COP1: variants seen among roughly 807,000 people sequenced by gnomAD.
The protein encoded by COP1 is E3 ubiquitin-protein ligase COP1.
Under a neutral mutation model 101.3 loss-of-function variants are expected in COP1, and 24 were observed. That is an observed-to-expected ratio of 0.24 (90% CI 0.17 to 0.33). The LOEUF (loss-of-function observed/expected upper bound fraction) is 0.33, where lower values mean the gene tolerates loss of function less well. Among genes scored for constraint, COP1 ranks in the 10% least tolerant of loss-of-function variants. The pLI is 1.00. For synonymous variants in COP1, 347 were observed against 341.9 expected, an observed-to-expected ratio of 1.01 and a Z score of -0.17; for missense variants, 663 against 906.2, an observed-to-expected ratio of 0.73 and a Z score of 3.45.
In COP1 at chr1:176,165,883, G is replaced by A. The variant is rs569271880; in HGVS notation, c.566-1992C>T. 1.7e-4 allele frequency among the ~76,000 whole-genome samples: 26 copies of A among 152,194 alleles called. No homozygotes were observed. The South Asian group carries it at 2.7e-3, about 16-fold the overall frequency. ...GATTATAATCCAGATAAAGGAGAGA[G>A]CATGAAATAATTCAGTGGGAATAAA... is the stretch of plus-strand genomic sequence containing the variant. On this transcript the variant is annotated intron_variant, in intron 3 of 19. Transcript: ENST00000367669.
At chr1:176,168,797 G>T in intron 3 of COP1, 1 of 214,608 alleles carries the variant, frequency 4.7e-6, no homozygotes. Context: ...AAAATGCTGT[G>T]GAAGGTAGAG....
chr1:176,072,204 G>A (rs1435388611), intron 11 of COP1, among the ~76,000 whole-genome samples: 1 of 152,088 alleles, frequency 6.6e-6, no homozygotes, highest in Non-Finnish European at 1.5e-5. Flanking sequence ...ATAGCCTAAG[G>A]ATTATTTCTT....
intron 15 of COP1, among the ~76,000 whole-genome samples, chr1:175,999,703 T>C (rs941258496): frequency 6.6e-6 from 1 of 152,044 alleles, no homozygotes. Flanking sequence ...TTCATAGTGG[T>C]TGTACCAATT....
intron 19 of COP1, 117 bp downstream of exon 19, chr1:175,947,078 C>T (rs1649271031): frequency 2.7e-6 from 2 of 745,810 alleles, no homozygotes; most frequent in East Asian, 2.5e-5. Flanking sequence ...TGTAAGGAGA[C>T]ACAGACCCAT....
chr1:176,022,835 A>G (rs763407761), intron 15 of COP1, among the ~76,000 whole-genome samples: 2 of 152,240 alleles, frequency 1.3e-5, no homozygotes, highest in Non-Finnish European at 1.5e-5. Context: ...TACAAGGTTA[A>G]AACTACATTG....
chr1:176,030,957 G>T (rs1668555697), intron 14 of COP1, among the ~76,000 whole-genome samples: 1 of 152,046 alleles, frequency 6.6e-6, no homozygotes, highest in Admixed American at 6.6e-5. Flanking sequence ...AGAGACAAAG[G>T]CACAGTGAGA....
At chr1:176,175,481 G>A (rs1004199758) in intron 3 of COP1, among the ~76,000 whole-genome samples, 8 of 152,094 alleles carry the variant, frequency 5.3e-5, no homozygotes, top group South Asian at 2.1e-4. Flanking sequence ...CATAAGGAGC[G>A]TGCAACTTAG....
At chr1:176,158,127 A>T (rs753018427) in intron 5 of COP1, among the ~76,000 whole-genome samples, 3 of 152,200 alleles carry the variant, frequency 2.0e-5, no homozygotes, top group Non-Finnish European at 2.9e-5. Flanking sequence ...AAGGCACATC[A>T]TAATCAAAAC....
intron 9 of COP1, among the ~76,000 whole-genome samples, chr1:176,089,027 G>A (rs539374959): frequency 5.1e-4 from 77 of 151,802 alleles, no homozygotes; most frequent in Middle Eastern, 3.4e-3. Flanking sequence ...TTTAGGCCGG[G>A]CGTGGTGGCT....
rs1251977624 is a variant in COP1 at position 176,135,098 on chromosome 1, A to G, written c.892-12T>C. The stretch of plus-strand genomic sequence containing the variant: ...AAGCCACTCATTTCCTGAAAATAAA[A>G]TTATTTGAATTATAGTAGATATTTC... On this transcript the variant is annotated splice_polypyrimidine_tract_variant and intron_variant, in intron 7 of 19. Transcript: ENST00000367669. 6.6e-7 allele frequency: 1 copy of G among 1,516,840 alleles called. No homozygotes were observed. Among genetic ancestry groups the G allele is most frequent in the South Asian group, 1.1e-5 (1 of 88,198 alleles). 94.0% of individuals were successfully genotyped at this position (1,516,840 alleles called of 1,614,324 possible).
At chr1:176,001,481 C>T (rs1005394034) in intron 15 of COP1, among the ~76,000 whole-genome samples, 1 of 151,994 alleles carries the variant, frequency 6.6e-6, no homozygotes, top group African/African-American at 2.4e-5. Flanking sequence ...CTTTTGTTTC[C>T]AAAGTTGATA....
intron 9 of COP1, among the ~76,000 whole-genome samples, chr1:176,091,639 G>A (rs1681337419): frequency 6.6e-6 from 1 of 152,068 alleles, no homozygotes; most frequent in African/African-American, 2.4e-5. Flanking sequence ...ACTCTGCTTA[G>A]ATGATAAGTG....
intron 15 of COP1, among the ~76,000 whole-genome samples, chr1:176,015,000 CAG>C (rs1421356828): frequency 3.9e-5 from 6 of 152,002 alleles, no homozygotes; most frequent in African/African-American, 1.5e-4. Flanking sequence ...AACAATGAGA[CAG>C]AGAGGAAAGG....
At chr1:175,960,289 T>C (rs2148531948) in intron 18 of COP1, among the ~76,000 whole-genome samples, 1 of 152,336 alleles carries the variant, frequency 6.6e-6, no homozygotes, top group Admixed American at 6.5e-5. Context: ...AGACTTTTCA[T>C]TATGGGCAAG....
intron 6 of COP1, among the ~76,000 whole-genome samples, chr1:176,140,816 T>G (rs570918680): frequency 6.6e-6 from 1 of 152,260 alleles, no homozygotes; most frequent in South Asian, 2.1e-4. Flanking sequence ...TGGTGCCACT[T>G]AGAAAAATAA....
At chr1:176,099,969 A>G (rs1213727771) in intron 9 of COP1, among the ~76,000 whole-genome samples, 1 of 152,218 alleles carries the variant, frequency 6.6e-6, no homozygotes, top group Non-Finnish European at 1.5e-5. Flanking sequence ...GTTCCGTCCA[A>G]GCCAATCTAA....
intron 11 of COP1, among the ~76,000 whole-genome samples, chr1:176,064,363 AC>A (rs1380274224): frequency 6.6e-6 from 1 of 152,232 alleles, no homozygotes; most frequent in Admixed American, 6.5e-5. Flanking sequence ...ATATGTATAT[AC>A]TGCTCTAAGA....
intron 15 of COP1, among the ~76,000 whole-genome samples, chr1:176,015,762 A>G (rs572121324): frequency 1.3e-5 from 2 of 152,302 alleles, no homozygotes; most frequent in East Asian, 3.9e-4. Flanking sequence ...GTAATGAAAA[A>G]GAACAGACTA....
chr1:176,076,847 T>A (rs531321750), intron 11 of COP1, among the ~76,000 whole-genome samples: 1 of 152,132 alleles, frequency 6.6e-6, no homozygotes, highest in African/African-American at 2.4e-5. Context: ...AACATCTCTA[T>A]GCACAGACTA....
Sources: allele counts gnomAD v4.1 joint callset (sites outside exome capture counted in the v4.1 genomes callset), GRCh38; gene constraint gnomAD v4.1.1; transcripts MANE v1.5; gene names NCBI Gene and HGNC (gene_info 2026-07-23, HGNC 2026-07-21).